ADAMTSL1: variants seen among roughly 807,000 people sequenced by gnomAD.
The protein encoded by ADAMTSL1 is ADAMTS like 1.
Under a neutral mutation model 201.8 loss-of-function variants are expected in ADAMTSL1, and 126 were observed. The observed-to-expected ratio is 0.62, with a 90% CI of 0.54 to 0.72. The LOEUF (loss-of-function observed/expected upper bound fraction) is 0.72, where lower values mean the gene tolerates loss of function less well. ADAMTSL1 is among the 30% of genes least tolerant of loss of function. The pLI, the probability that ADAMTSL1 is intolerant of heterozygous loss-of-function variation, is 0.00. For synonymous variants in ADAMTSL1, 1,121 were observed against 903.4 expected (o/e 1.24, Z -4.32); for missense variants, 2,679 against 2,277.8 (o/e 1.18, Z -3.59).
At chr9:18,101,339 A>T (rs1220386169) in intron 1 of ADAMTSL1, among the ~76,000 whole-genome samples, 6 of 152,048 alleles carry the variant, frequency 3.9e-5, no homozygotes, top group Non-Finnish European at 7.4e-5. Context: ...CTACTAAAAA[A>T]ATACAAAAAT....
At chr9:18,282,480 T>G (rs1832827504) in intron 2 of ADAMTSL1, among the ~76,000 whole-genome samples, 1 of 152,246 alleles carries the variant, frequency 6.6e-6, no homozygotes, top group South Asian at 2.1e-4. Context: ...TTAATTTATA[T>G]GACTCATTTC....
intron 2 of ADAMTSL1, among the ~76,000 whole-genome samples, chr9:18,237,852 C>G (rs371526928): frequency 8.9e-4 from 135 of 152,296 alleles, no homozygotes; most frequent in African/African-American, 3.1e-3. Flanking sequence ...GTGGTTAAGA[C>G]AAAACAAAAT....
chr9:18,361,967 A>C (rs1302615193), intron 2 of ADAMTSL1: 2 of 152,204 alleles, frequency 1.3e-5, no homozygotes, highest in African/African-American at 4.8e-5. Context: ...TTGTGCCTAG[A>C]GGGAGCAGTT....
chr9:17,965,760 C>A (rs1817958372), intron 1 of ADAMTSL1, among the ~76,000 whole-genome samples: 1 of 152,074 alleles, frequency 6.6e-6, no homozygotes, highest in African/African-American at 2.4e-5. Flanking sequence ...AAGTACCCAT[C>A]CAAGTAAGTG....
chr9:18,686,622 C>G (rs1022101797), intron 13 of ADAMTSL1, among the ~76,000 whole-genome samples: 6 of 152,250 alleles, frequency 3.9e-5, no homozygotes, highest in Admixed American at 1.3e-4. Context: ...TTTATTTTAC[C>G]TAAATAAACT....
intron 2 of ADAMTSL1, among the ~76,000 whole-genome samples, chr9:18,248,828 T>C (rs1831358200): frequency 6.6e-6 from 1 of 152,132 alleles, no homozygotes; most frequent in African/African-American, 2.4e-5. Flanking sequence ...CAAGATAGGA[T>C]TAGGCAAGAA....
At chr9:17,957,598 A>G (rs1701485414) in intron 1 of ADAMTSL1, among the ~76,000 whole-genome samples, 1 of 152,176 alleles carries the variant, frequency 6.6e-6, no homozygotes, top group African/African-American at 2.4e-5. Context: ...TTTGTTCCCC[A>G]CTGTAGTGGG....
At chr9:18,874,765 A>G (rs1019902370) in intron 23 of ADAMTSL1, among the ~76,000 whole-genome samples, 72 of 152,070 alleles carry the variant, frequency 4.7e-4, no homozygotes, top group African/African-American at 1.7e-3. Flanking sequence ...TGGTATTAGG[A>G]TGATACTGGC....
intron 2 of ADAMTSL1, among the ~76,000 whole-genome samples, chr9:18,315,482 TG>T (rs1225102320): frequency 6.6e-6 from 1 of 152,022 alleles, no homozygotes; most frequent in Non-Finnish European, 1.5e-5. Context: ...TCCTGAGCCC[TG>T]TCCTGTGGGG....
chr9:18,413,146 A>ATTT (rs11367468), intron 2 of ADAMTSL1, among the ~76,000 whole-genome samples: 1 of 132,456 alleles, frequency 7.5e-6, no homozygotes, highest in East Asian at 2.3e-4. Context: ...TCTAAGGATA[A>ATTT]TTTTTTTTTT....
At chr9:18,604,883 C>T (rs1824912731) in intron 4 of ADAMTSL1, among the ~76,000 whole-genome samples, 1 of 152,186 alleles carries the variant, frequency 6.6e-6, no homozygotes, top group African/African-American at 2.4e-5. Context: ...CCAGTTCTGC[C>T]TCCTACTCAT....
intron 1 of ADAMTSL1, among the ~76,000 whole-genome samples, chr9:17,920,112 A>G (rs1371488747): frequency 6.6e-6 from 1 of 152,156 alleles, no homozygotes; most frequent in Non-Finnish European, 1.5e-5. Flanking sequence ...ATGTTTTATT[A>G]GAGTTAACAA....
intron 1 of ADAMTSL1, among the ~76,000 whole-genome samples, chr9:18,502,511 A>T (rs1334803983): frequency 6.6e-6 from 1 of 152,214 alleles, no homozygotes; most frequent in Non-Finnish European, 1.5e-5. Context: ...GTATGCATAC[A>T]TCATTGGCAA....
intron 1 of ADAMTSL1, among the ~76,000 whole-genome samples, chr9:18,039,208 A>G (rs1219483801): frequency 1.3e-5 from 2 of 152,214 alleles, no homozygotes; most frequent in African/African-American, 2.4e-5. Context: ...CATTAAAAGA[A>G]GACTGAATTA....
intron 1 of ADAMTSL1, among the ~76,000 whole-genome samples, chr9:17,921,656 T>C (rs1446039785): frequency 6.6e-6 from 1 of 152,134 alleles, no homozygotes; most frequent in Non-Finnish European, 1.5e-5. Context: ...TATTTCCTAG[T>C]GTAAATAAGA....
intron 1 of ADAMTSL1, among the ~76,000 whole-genome samples, chr9:17,998,733 C>T (rs1363986327): frequency 6.6e-6 from 1 of 152,030 alleles, no homozygotes; most frequent in South Asian, 2.1e-4. Flanking sequence ...TATTGAATTT[C>T]CTGTCTAGGA....
chr9:18,193,749 A>G (rs1374424080), intron 2 of ADAMTSL1, among the ~76,000 whole-genome samples: 1 of 152,130 alleles, frequency 6.6e-6, no homozygotes, highest in Non-Finnish European at 1.5e-5. Context: ...GGGTCCCTGT[A>G]TGGACTTTGA....
At chr9:18,491,676 A>T (rs1034892484) in intron 1 of ADAMTSL1, among the ~76,000 whole-genome samples, 1 of 152,196 alleles carries the variant, frequency 6.6e-6, no homozygotes, top group Non-Finnish European at 1.5e-5. Context: ...CATATATACA[A>T]TATCTGGATT....
intron 2 of ADAMTSL1, among the ~76,000 whole-genome samples, chr9:18,255,393 A>T (rs1350493634): frequency 6.6e-6 from 1 of 152,182 alleles, no homozygotes; most frequent in East Asian, 1.9e-4. Context: ...GTAAAAACAG[A>T]CGAAACTCTC....
Sources: allele counts gnomAD v4.1 joint callset (sites outside exome capture counted in the v4.1 genomes callset), GRCh38; gene constraint gnomAD v4.1.1; transcripts MANE v1.5; gene names NCBI Gene and HGNC (gene_info 2026-07-23, HGNC 2026-07-21).